MYT1L: variants seen among roughly 807,000 people sequenced by gnomAD.
MYT1L encodes myelin transcription factor 1-like protein.
Under a neutral mutation model 126.7 loss-of-function variants are expected in MYT1L, and 12 were observed. That is an observed-to-expected ratio of 0.09 (90% CI 0.06 to 0.15). MYT1L has a LOEUF of 0.15. Ranked by LOEUF, MYT1L falls within the 10% of genes least tolerant of loss-of-function variation. MYT1L has a pLI of 1.00. For synonymous variants in MYT1L, 541 were observed against 604.2 expected, an observed-to-expected ratio of 0.90 and a Z score of 1.53; for missense variants, 979 against 1,585.2, an observed-to-expected ratio of 0.62 and a Z score of 6.49.
rs1466079418 is a variant in MYT1L, at chr2:1,929,160, A to G, written c.506-5897T>C. Among the ~76,000 whole-genome samples, 1 of 152,086 alleles carries G rather than the reference A, an allele frequency of 6.6e-6. No individual in the cohort carries two copies. Among genetic ancestry groups the G allele is most frequent in the Non-Finnish European group, 1.5e-5 (1 of 68,014 alleles). On this transcript the variant is annotated intron_variant, in intron 9 of 24. Transcript: ENST00000647738. This position sits in a 1 kb window ranked among gnomAD's most constrained non-coding sequence, Gnocchi z 4.7. ...GACACTGCAGTCTCTTTCCTTTCATAAGAGGGGAGAAGTCACTTTCCCAGC... is the reference window on the plus strand; with the variant it reads ...GACACTGCAGTCTCTTTCCTTTCATGAGAGGGGAGAAGTCACTTTCCCAGC...
chr2:1,839,949 C>G lies in MYT1L; in HGVS notation c.2859-579G>C, dbSNP rs189907278. Among the ~76,000 whole-genome samples the G allele has an allele frequency of 3.3e-3, 499 of 152,214 alleles. 2 individuals are homozygous for G. The highest frequency in any genetic ancestry group is 0.012 in the African/African-American group (483 of 41,544). On this transcript the variant is annotated intron_variant, in intron 20 of 24. Transcript: ENST00000647738. ...CACAGGGACACGGGACAGGTGTGTT[C>G]CTGGGAACTTGTGAATGGCAGGACC... is the stretch of plus-strand genomic sequence containing the variant.
chr2:2,030,401 T>C (rs1284709116), intron 4 of MYT1L, among the ~76,000 whole-genome samples: 1 of 152,166 alleles, frequency 6.6e-6, no homozygotes, highest in African/African-American at 2.4e-5. Flanking sequence ...TAAGTGAAGT[T>C]TTAAATTTAG....
intron 3 of MYT1L, among the ~76,000 whole-genome samples, chr2:2,158,254 AAAG>A (rs1254824780): frequency 2.6e-5 from 4 of 152,042 alleles, no homozygotes; most frequent in Admixed American, 2.0e-4. Flanking sequence ...TTTTATTTTA[AAAG>A]AAGAAGAAGG....
At position 2,107,234 on chromosome 2, in the gene MYT1L, C is replaced by T. The variant is rs147884859; in HGVS notation, c.-303-53111G>A. Among the ~76,000 whole-genome samples the T allele has an allele frequency of 1.6e-3, 239 of 152,312 alleles. 2 individuals are homozygous for T. The highest frequency in any genetic ancestry group is 4.6e-3 in the African/African-American group (191 of 41,566). On this transcript the variant is annotated intron_variant, in intron 3 of 24. Coordinates refer to ENST00000647738, the MANE Select transcript of MYT1L (RefSeq NM_001303052.2). ...GAAGACCATCACCATGAAGCCCTGC[C>T]GGTGACGTCGAGCACAATCTCCTTC...
intron 2 of MYT1L, among the ~76,000 whole-genome samples, chr2:2,274,731 T>C (rs2095325258): frequency 6.6e-6 from 1 of 152,228 alleles, no homozygotes; most frequent in Non-Finnish European, 1.5e-5. Context: ...GGAATCTTAA[T>C]TGTAGACCTT....
At chr2:2,278,465 A>G (rs1018154988) in intron 2 of MYT1L, among the ~76,000 whole-genome samples, 1 of 152,228 alleles carries the variant, frequency 6.6e-6, no homozygotes, top group East Asian at 1.9e-4. Flanking sequence ...GAACAGTATA[A>G]TAAGTCCATA....
At chr2:1,919,037 T>C (rs1259332398) in intron 10 of MYT1L, among the ~76,000 whole-genome samples, 1 of 152,198 alleles carries the variant, frequency 6.6e-6, no homozygotes, top group Non-Finnish European at 1.5e-5. Flanking sequence ...TAGATGTAAA[T>C]GGCTAGTGGC....
intron 1 of MYT1L, among the ~76,000 whole-genome samples, chr2:2,292,300 G>T (rs1447466263): frequency 6.6e-6 from 1 of 152,200 alleles, no homozygotes; most frequent in Non-Finnish European, 1.5e-5. Context: ...CCAGCCTGCG[G>T]CCTCCTTGGT....
chr2:2,137,425 C>T (rs931724101), intron 3 of MYT1L, among the ~76,000 whole-genome samples: 2 of 152,188 alleles, frequency 1.3e-5, no homozygotes, highest in African/African-American at 2.4e-5. Flanking sequence ...CATCACGCTA[C>T]CTGACTTCAA....
At chr2:1,816,177 A>C (rs900311263) in intron 21 of MYT1L, 1 of 152,530 alleles carries the variant, frequency 6.6e-6, no homozygotes, top group African/African-American at 2.4e-5. Flanking sequence ...TTGATGGCTT[A>C]AAGTCCCATG....
chr2:2,129,702 C>A (rs567327569), intron 3 of MYT1L, among the ~76,000 whole-genome samples: 1 of 152,078 alleles, frequency 6.6e-6, no homozygotes, highest in Non-Finnish European at 1.5e-5. Context: ...GTCAGGAGAT[C>A]GAGACCATCC....
rs180761403 is a variant in MYT1L at position 2,273,549 on chromosome 2, G to T, written c.-421+10855C>A. The stretch of plus-strand genomic sequence containing the variant: ...GCCTGGTCGCCCAGCCAAAGCCAGT[G>T]TCTGGAGGGAATGGGAAGCCACTCA... On this transcript the variant is annotated intron_variant, in intron 2 of 24. Transcript: ENST00000647738. Among the ~76,000 whole-genome samples, 8 of 152,314 alleles carry T rather than the reference G, an allele frequency of 5.3e-5. No individual in the cohort carries two copies. In the East Asian group the frequency reaches 1.5e-3, roughly 30 times the overall value.
intron 4 of MYT1L, among the ~76,000 whole-genome samples, chr2:2,012,841 C>A (rs990005225): frequency 6.6e-6 from 1 of 152,166 alleles, no homozygotes; most frequent in Non-Finnish European, 1.5e-5. Flanking sequence ...ATGCAGGGTG[C>A]CTCATTGCAC....
Position 1,851,494 on chromosome 2 carries a change from C to T in MYT1L, c.2774+147G>A, listed in dbSNP as rs3811612. 7.1e-4 allele frequency: 520 copies of T among 730,202 alleles called. 6 individuals carry two copies. The East Asian group carries it at 9.9e-3, about 14-fold the overall frequency. 45.2% of individuals were successfully genotyped at this position (730,202 alleles called of 1,614,324 possible). A position where few individuals can be genotyped will look rare whatever the true frequency, so the allele number is the denominator to read the frequency against. ...CTAAGAGAAGCTCCAATGAGGACGT[C>T]ACTGCTTTATGGCGCTAAGAGTCTC... On this transcript the variant is annotated intron_variant, in intron 19 of 24. Transcript: ENST00000647738.
intron 19 of MYT1L, among the ~76,000 whole-genome samples, chr2:1,845,691 C>G (rs1226584177): frequency 3.3e-5 from 5 of 152,226 alleles, no homozygotes. Context: ...AGGCTAAAAG[C>G]TAAGCCTGCA....
intron 3 of MYT1L, among the ~76,000 whole-genome samples, chr2:2,167,309 C>G (rs1405585137): frequency 6.6e-6 from 1 of 150,582 alleles, no homozygotes; most frequent in Non-Finnish European, 1.5e-5. Flanking sequence ...CTCTGTTGGA[C>G]GCAATGATGT....
chr2:1,945,516 T>C (rs1008232222), intron 8 of MYT1L, among the ~76,000 whole-genome samples: 1 of 152,164 alleles, frequency 6.6e-6, no homozygotes, highest in African/African-American at 2.4e-5. Flanking sequence ...ACACAGTGTG[T>C]GTGGACCAGG....
At chr2:2,116,565 G>C (rs879298451) in intron 3 of MYT1L, among the ~76,000 whole-genome samples, 1 of 152,194 alleles carries the variant, frequency 6.6e-6, no homozygotes, top group Non-Finnish European at 1.5e-5. Context: ...TGATATGCAC[G>C]GCCTTCTGCC....
At chr2:1,880,475 C>A (rs1486505038) in intron 18 of MYT1L, among the ~76,000 whole-genome samples, 1 of 152,156 alleles carries the variant, frequency 6.6e-6, no homozygotes, top group African/African-American at 2.4e-5. Context: ...GTAGCTAGAA[C>A]ACTTTTAAAT....
Sources: gnomAD v4.1 joint callset for allele counts (sites outside exome capture counted in the v4.1 genomes callset) on GRCh38, gnomAD v4.1.1 for gene constraint, Gnocchi (gnomAD v3.1) non-coding constraint, MANE v1.5 for transcripts, NCBI Gene and HGNC (gene_info 2026-07-23, HGNC 2026-07-21) for gene names.